The following ATXN7L1 variants were observed in gnomAD, a reference collection of about 807,000 sequenced individuals.
ATXN7L1 encodes ataxin-7-like protein 1.
In ATXN7L1, 15 loss-of-function variants were observed where a neutral mutation model predicts 70.8. The ratio of observed to expected loss-of-function variants is 0.21; its 90% confidence interval spans 0.14 to 0.33. The LOEUF (loss-of-function observed/expected upper bound fraction) is 0.33, where lower values mean the gene tolerates loss of function less well. ATXN7L1 is among the 10% of genes least tolerant of loss of function. ATXN7L1 has a pLI of 1.00. For missense variants in ATXN7L1, 975 were observed against 1,097.1 expected, an observed-to-expected ratio of 0.89 and a Z score of 1.57; for synonymous variants, 440 against 445.1, an observed-to-expected ratio of 0.99 and a Z score of 0.14.
intron 2 of ATXN7L1, among the ~76,000 whole-genome samples, chr7:105,816,279 C>A (rs1382908131): frequency 6.6e-6 from 1 of 151,996 alleles, no homozygotes; most frequent in African/African-American, 2.4e-5. Context: ...GGTCTGGGGG[C>A]TGGGGAGAGT....
intron 3 of ATXN7L1, among the ~76,000 whole-genome samples, chr7:105,785,601 A>G (rs1288943501): frequency 6.6e-6 from 1 of 151,854 alleles, no homozygotes; most frequent in Non-Finnish European, 1.5e-5. Context: ...AAGAGAAAAA[A>G]AAAAGAATAT....
chr7:105,870,805 G>C (rs1006533020), intron 2 of ATXN7L1, among the ~76,000 whole-genome samples: 1 of 152,138 alleles, frequency 6.6e-6, no homozygotes, highest in African/African-American at 2.4e-5. Context: ...AGGCTAATAA[G>C]GTTTCTGGGA....
intron 2 of ATXN7L1, among the ~76,000 whole-genome samples, chr7:105,821,047 T>C (rs1223371343): frequency 1.4e-4 from 21 of 152,156 alleles, no homozygotes; most frequent in Admixed American, 1.4e-3. Context: ...GTTGCTGTTG[T>C]TTGTTTTTTC....
rs773019275 is a variant in ATXN7L1, at chr7:105,662,612, T to C, written c.578+2454A>G. ...CTCTTTTACAAGGAGAGTTCATTGA[T>C]GATCTTCCCCGAGCTCCCTGGGTCT... On this transcript the variant is annotated intron_variant, in intron 4 of 11. Coordinates refer to ENST00000419735, the MANE Select transcript of ATXN7L1 (RefSeq NM_020725.2). 8.3e-4 allele frequency among the ~76,000 whole-genome samples: 127 copies of C among 152,298 alleles called. 3 individuals are homozygous for C. The highest frequency in any genetic ancestry group is 6.5e-4 in the Non-Finnish European group (44 of 68,024).
At chr7:105,834,663 C>T (rs1371568075) in intron 2 of ATXN7L1, among the ~76,000 whole-genome samples, 1 of 152,174 alleles carries the variant, frequency 6.6e-6, no homozygotes, top group East Asian at 1.9e-4. Flanking sequence ...CTGTAAGTTT[C>T]TTGAGAGAGA....
At chr7:105,865,655 C>T (rs1817335531) in intron 2 of ATXN7L1, among the ~76,000 whole-genome samples, 1 of 152,192 alleles carries the variant, frequency 6.6e-6, no homozygotes, top group Non-Finnish European at 1.5e-5. Flanking sequence ...CCCACCTTGG[C>T]CTCCCAAAGT....
At chr7:105,803,536 A>G (rs1488360152) in intron 2 of ATXN7L1, among the ~76,000 whole-genome samples, 2 of 152,152 alleles carry the variant, frequency 1.3e-5, no homozygotes, top group Non-Finnish European at 2.9e-5. Context: ...GGGGCCCTAG[A>G]ACACCTTCCA....
chr7:105,837,509 ATAC>A (rs1812568039), intron 2 of ATXN7L1, among the ~76,000 whole-genome samples: 1 of 152,034 alleles, frequency 6.6e-6, no homozygotes, highest in Non-Finnish European at 1.5e-5. Context: ...TTGGAAGGAT[ATAC>A]TACTATCTGG....
intron 3 of ATXN7L1, among the ~76,000 whole-genome samples, chr7:105,742,601 C>T (rs963177378): frequency 1.3e-5 from 2 of 152,162 alleles, no homozygotes; most frequent in African/African-American, 4.8e-5. Context: ...GGGATGCAGG[C>T]AATTTGGTTC....
intron 4 of ATXN7L1, among the ~76,000 whole-genome samples, chr7:105,653,920 C>T (rs2115995497): frequency 6.6e-6 from 1 of 152,314 alleles, no homozygotes; most frequent in East Asian, 1.9e-4. Flanking sequence ...CCGGAGGAAA[C>T]ATCCTCTTCT....
chr7:105,664,575 G>GTGTGTATATATATATATATATATATATA, intron 4 of ATXN7L1, among the ~76,000 whole-genome samples: 1 of 131,990 alleles, frequency 7.6e-6, no homozygotes, highest in African/African-American at 2.8e-5. Flanking sequence ...GTATGTGTGT[G>GTGTGTATATATATATATATATATATATA]TATATATATA....
chr7:105,789,051 A>G (rs967147234), intron 2 of ATXN7L1, among the ~76,000 whole-genome samples: 13 of 152,206 alleles, frequency 8.5e-5, no homozygotes, highest in Admixed American at 1.3e-4. Flanking sequence ...CTGAGGCTCT[A>G]TATAGCTCAG....
chr7:105,614,259 G>A lies in ATXN7L1; in HGVS notation c.2075C>T (p.Ala692Val), dbSNP rs960974829. The change falls in exon 10 of 12, where the codon GCC becomes GTC. Residue 692 changes from alanine to valine, a missense_variant. This residue lies in a region of ATXN7L1 where 635 missense variants were observed against 699.4 expected (regional missense o/e 0.91). Coordinates refer to ENST00000419735, the MANE Select transcript of ATXN7L1 (RefSeq NM_020725.2). This position sits in a 1 kb window ranked among gnomAD's most constrained non-coding sequence, Gnocchi z 4.3. ...ASSALNSYQA[A>V]PPYNSLSVHN... ...CACAGACAGGCTGTTATAGGGAGGG[G>A]CCGCCTGATAGGAGTTCAAAGCAGA... 6.4e-6 allele frequency: 10 copies of A among 1,551,810 alleles called. No homozygotes were observed. Among genetic ancestry groups the A allele is most frequent in the Non-Finnish European group, 7.8e-6 (9 of 1,147,024 alleles).
chr7:105,733,997 G>A (rs1440520906), intron 3 of ATXN7L1, among the ~76,000 whole-genome samples: 2 of 145,430 alleles, frequency 1.4e-5, no homozygotes, highest in African/African-American at 5.0e-5. Flanking sequence ...ATCCTTTTGA[G>A]CCCCAGCCAA....
At chr7:105,802,931 C>T (rs999183280) in intron 2 of ATXN7L1, among the ~76,000 whole-genome samples, 1 of 152,166 alleles carries the variant, frequency 6.6e-6, no homozygotes, top group Non-Finnish European at 1.5e-5. Flanking sequence ...CCAGCAGCTT[C>T]GTAGTGTAAA....
chr7:105,649,913 T>C (rs945474176), intron 4 of ATXN7L1, among the ~76,000 whole-genome samples: 2 of 152,212 alleles, frequency 1.3e-5, no homozygotes, highest in Admixed American at 6.5e-5. Context: ...GCTGCTGGCC[T>C]GGCAGAATTT....
chr7:105,807,365 C>T (rs1422053926), intron 2 of ATXN7L1, among the ~76,000 whole-genome samples: 2 of 152,208 alleles, frequency 1.3e-5, no homozygotes, highest in African/African-American at 4.8e-5. Context: ...AACTCCACTG[C>T]ACTTCCCTGC....
At chr7:105,685,713 T>G (rs540599313) in intron 3 of ATXN7L1, among the ~76,000 whole-genome samples, 14 of 152,166 alleles carry the variant, frequency 9.2e-5, no homozygotes, top group Non-Finnish European at 1.6e-4. Context: ...AGAGTTACTT[T>G]TAGCTCCCCT....
In ATXN7L1 at chr7:105,631,428, C is replaced by T. The variant is rs1796580875; in HGVS notation, c.1202+6925G>A. Among the ~76,000 whole-genome samples the T allele has an allele frequency of 3.9e-5, 6 of 152,280 alleles. No individual in the cohort carries two copies. The South Asian group carries it at 1.2e-3, about 32-fold the overall frequency. On this transcript the variant is annotated intron_variant, in intron 7 of 11. Transcript: ENST00000419735. ...GGTCATGTCTACCACCTTACACAAC[C>T]AGATGATGAGTTATCACCATTTCTG...
Sources: gnomAD v4.1 joint callset for allele counts (sites outside exome capture counted in the v4.1 genomes callset) on GRCh38, gnomAD v4.1.1 for gene constraint, gnomAD v4.1.1 regional missense constraint, Gnocchi (gnomAD v3.1) non-coding constraint, MANE v1.5 for transcripts, NCBI Gene and HGNC (gene_info 2026-07-23, HGNC 2026-07-21) for gene names.